Variants in LARGE1 observed in about 807,000 individuals in gnomAD.
LARGE1 encodes the protein LARGE xylosyl- and glucuronyltransferase 1.
Under a neutral mutation model 87.6 loss-of-function variants are expected in LARGE1, and 43 were observed. The observed-to-expected ratio is 0.49, with a 90% CI of 0.38 to 0.63. The LOEUF (loss-of-function observed/expected upper bound fraction) is 0.63. Ranked by LOEUF, LARGE1 falls within the 30% of genes least tolerant of loss-of-function variation. The pLI, the probability that LARGE1 is intolerant of heterozygous loss-of-function variation, is 0.00. For missense variants in LARGE1, 802 were observed against 1,000.2 expected (o/e 0.80, Z 2.67); for synonymous variants, 434 against 394.6 (o/e 1.10, Z -1.18).
intron 1 of LARGE1, among the ~76,000 whole-genome samples, chr22:33,846,057 T>C (rs115842682): frequency 5.9e-5 from 9 of 152,330 alleles, no homozygotes; most frequent in Middle Eastern, 3.4e-3. Flanking sequence ...TGAATTTTCA[T>C]GACAGCGTCT....
intron 6 of LARGE1, among the ~76,000 whole-genome samples, chr22:33,523,659 C>T (rs2071727497): frequency 6.7e-6 from 1 of 149,082 alleles, no homozygotes; most frequent in Non-Finnish European, 1.5e-5. Context: ...CCATTATCTG[C>T]ATTGTCCATC....
chr22:33,748,404 G>C (rs1018624997), intron 2 of LARGE1, among the ~76,000 whole-genome samples: 2 of 152,094 alleles, frequency 1.3e-5, no homozygotes, highest in African/African-American at 4.8e-5. Context: ...CCATCCCGTA[G>C]CTTTAAATAT....
intron 5 of LARGE1, among the ~76,000 whole-genome samples, chr22:33,597,278 G>GAAAAAAAAAA (rs3072280): frequency 7.7e-6 from 1 of 129,324 alleles, no homozygotes. Context: ...CCTAATTCAT[G>GAAAAAAAAAA]AAAAAAAAAA....
chr22:33,084,834 TCA>T, the LARGE1 span, among the ~76,000 whole-genome samples: 1 of 152,230 alleles, frequency 6.6e-6, no homozygotes, highest in Non-Finnish European at 1.5e-5. Context: ...TGGAAAATTA[TCA>T]ACTAGATAGT....
At chr22:33,459,283 A>C (rs1481997216) in intron 6 of LARGE1, among the ~76,000 whole-genome samples, 2 of 152,146 alleles carry the variant, frequency 1.3e-5, no homozygotes, top group African/African-American at 4.8e-5. Context: ...TAAGTTGTAG[A>C]GCTGAGATTC....
chr22:33,604,846 T>C (rs891069773), intron 4 of LARGE1, among the ~76,000 whole-genome samples: 1 of 152,086 alleles, frequency 6.6e-6, no homozygotes, highest in African/African-American at 2.4e-5. Flanking sequence ...TTAGGATTCA[T>C]TTTTTTCTGA....
chr22:33,189,919 C>G (rs1003327602), intron 11 of LARGE1, among the ~76,000 whole-genome samples: 2 of 152,176 alleles, frequency 1.3e-5, no homozygotes, highest in African/African-American at 4.8e-5. Flanking sequence ...TGCATCTAAG[C>G]TTTTGATACC....
chr22:33,496,580 T>C (rs1337903768), intron 6 of LARGE1, among the ~76,000 whole-genome samples: 1 of 151,970 alleles, frequency 6.6e-6, no homozygotes, highest in African/African-American at 2.4e-5. Flanking sequence ...CTGTGAGAAA[T>C]AAATTTCTGT....
At chr22:33,611,504 T>G (rs1233470902) in intron 4 of LARGE1, among the ~76,000 whole-genome samples, 1 of 152,186 alleles carries the variant, frequency 6.6e-6, no homozygotes, top group African/African-American at 2.4e-5. Flanking sequence ...CTTTTGGGAA[T>G]AAGAGTGTTG....
Position 33,696,235 on chromosome 22 carries a change from TTTTCTTTC to T in LARGE1, c.107-45575_107-45568del, listed in dbSNP as rs200751894. ...CAGAGGGTAGATATCTATTCAGTAT[TTTTCTTTC>T]TTTCTTTCTTTCTTTCTTTCTTTTT... On this transcript the variant is annotated intron_variant, in intron 2 of 14. Coordinates refer to ENST00000397394, the MANE Select transcript of LARGE1 (RefSeq NM_133642.5). Among the ~76,000 whole-genome samples, 500 of 127,450 alleles carry T rather than the reference TTTTCTTTC, an allele frequency of 3.9e-3. 2 individuals carry two copies. Among genetic ancestry groups the T allele is most frequent in the African/African-American group, 8.8e-3 (285 of 32,336 alleles). 83.6% of individuals were successfully genotyped at this position (127,450 alleles called of 152,430 possible).
intron 6 of LARGE1, among the ~76,000 whole-genome samples, chr22:33,449,041 A>G (rs2067806199): frequency 6.6e-6 from 1 of 152,230 alleles, no homozygotes. Context: ...TGTACTTGGC[A>G]TGATGCTTTT....
At chr22:33,348,289 C>CCCCCCCA (rs1569081859) in intron 9 of LARGE1, among the ~76,000 whole-genome samples, 3 of 124,050 alleles carry the variant, frequency 2.4e-5, no homozygotes, top group African/African-American at 6.1e-5. Flanking sequence ...CACCCCCCCC[C>CCCCCCCA]AAAAAAAAAG....
intron 1 of LARGE1, among the ~76,000 whole-genome samples, chr22:33,788,882 T>G (rs907519766): frequency 6.6e-6 from 1 of 152,228 alleles, no homozygotes; most frequent in African/African-American, 2.4e-5. Context: ...GAATTGGAAT[T>G]TATGTTTACA....
At chr22:33,297,881 G>A (rs1569025994) in intron 12 of LARGE1, among the ~76,000 whole-genome samples, 1 of 150,392 alleles carries the variant, frequency 6.6e-6, no homozygotes, top group Non-Finnish European at 1.5e-5. Context: ...TCAGGAGGCT[G>A]AGGCAGGAGA....
intron 6 of LARGE1, among the ~76,000 whole-genome samples, chr22:33,485,104 G>C (rs2069512554): frequency 6.6e-6 from 1 of 151,712 alleles, no homozygotes; most frequent in Admixed American, 6.6e-5. Context: ...GTAGAGACTG[G>C]GTTTTGCTAT....
intron 11 of LARGE1, among the ~76,000 whole-genome samples, chr22:33,259,187 T>C (rs1249855775): frequency 6.6e-6 from 1 of 152,170 alleles, no homozygotes; most frequent in Non-Finnish European, 1.5e-5. Flanking sequence ...CAACTTTATC[T>C]TTATTCTAAG....
chr22:33,618,675 C>T (rs1411289793), intron 4 of LARGE1, among the ~76,000 whole-genome samples: 1 of 152,232 alleles, frequency 6.6e-6, no homozygotes, highest in Non-Finnish European at 1.5e-5. Context: ...CTCAAAAATA[C>T]ATACCTGGAA....
intron 5 of LARGE1, among the ~76,000 whole-genome samples, chr22:33,578,197 A>G (rs2078408200): frequency 6.6e-6 from 1 of 152,188 alleles, no homozygotes; most frequent in African/African-American, 2.4e-5. Context: ...ACCTTTCTAG[A>G]TTTAGAATTT....
At chr22:33,897,179 C>G (rs994322599) in intron 1 of LARGE1, among the ~76,000 whole-genome samples, 5 of 152,148 alleles carry the variant, frequency 3.3e-5, no homozygotes, top group Admixed American at 2.6e-4. Context: ...CAGGTTGACT[C>G]ACTCACAACT....
Sources: gnomAD v4.1 joint callset for allele counts (sites outside exome capture counted in the v4.1 genomes callset) on GRCh38, gnomAD v4.1.1 for gene constraint, MANE v1.5 for transcripts, NCBI Gene and HGNC (gene_info 2026-07-23, HGNC 2026-07-21) for gene names.